Variants in FFAR2 observed in about 807,000 individuals in gnomAD.
FFAR2 encodes the protein free fatty acid receptor 2.
For synonymous variants in FFAR2, 193 were observed against 189.9 expected, an observed-to-expected ratio of 1.02 and a Z score of -0.13; for missense variants, 421 against 428.9, an observed-to-expected ratio of 0.98 and a Z score of 0.16.
Position 35,449,701 on chromosome 19 carries a change from TG to T in FFAR2, c.-1-12del. ...AGACCTCCCTGACCCCGCCCTTTTT[TG>T]TTCCCCTCCAGGATGCTGCCGGACT... On this transcript the variant is annotated splice_polypyrimidine_tract_variant and intron_variant, in intron 1 of 1. Transcript: ENST00000599180. The T allele has an allele frequency of 6.5e-7, 1 of 1,529,748 alleles. No individual in the cohort carries two copies. The highest frequency in any genetic ancestry group is 1.3e-5 in the South Asian group (1 of 76,844). The allele number at this position is 1,529,748 out of a possible 1,614,324, so 94.8% of individuals were successfully genotyped here.
chr19:35,450,587 G>C lies in FFAR2; in HGVS notation c.873G>C (p.Leu291=). 1 of 1,614,234 alleles carries C rather than the reference G, an allele frequency of 6.2e-7. No homozygotes were observed. The highest frequency in any genetic ancestry group is 8.5e-7 in the Non-Finnish European group (1 of 1,180,044). Residue 291 remains leucine, a synonymous_variant, in exon 2 of 2, where the codon CTG becomes CTC. Coordinates refer to ENST00000599180, the MANE Select transcript of FFAR2 (RefSeq NM_001370087.1). ...RRAFGRGLQV[L]RNQGSSLLGR... is the part of the protein sequence containing the mutation. ...CATTTGGGAGAGGGCTGCAGGTGCT[G>C]CGGAATCAGGGCTCCTCCCTGTTGG...
chr19:35,449,623 C>A (rs2067366247), intron 1 of FFAR2, 91 bp from the exon 2 acceptor site: 2 of 1,371,164 alleles, frequency 1.5e-6, no homozygotes, highest in African/African-American at 1.5e-5. Flanking sequence ...GGGGACGGTG[C>A]CGGGGAGGAT....
At chr19:35,449,559 C>T (rs766082128) in intron 1 of FFAR2, 155 bp from the exon 2 acceptor site, 27 of 251,220 alleles carry the variant, frequency 1.1e-4, no homozygotes, top group Non-Finnish European at 1.6e-4. Context: ...CTGGGTAGTT[C>T]GAGCAGGTGG....
rs2067370939 is a variant in FFAR2 at position 35,450,093 on chromosome 19, G to T, written c.379G>T (p.Val127Leu). The part of the protein sequence containing the change: ...YKLSRRPLYG[V>L]IAALVAWVMS... Reference sequence around the variant, plus strand: ...GCTCTCCCGCCGGCCTCTGTATGGAGTGATTGCAGCTCTGGTGGCCTGGGT... The same window carrying T: ...GCTCTCCCGCCGGCCTCTGTATGGATTGATTGCAGCTCTGGTGGCCTGGGT... The change falls in exon 2 of 2, where the codon GTG becomes TTG. Residue 127 changes from valine (V) to leucine (L), a missense_variant. Val to Leu is a conservative substitution (Grantham distance 32). Transcript: ENST00000599180. The T allele has an allele frequency of 6.2e-7, 1 of 1,614,118 alleles. No homozygotes were observed. The highest frequency in any genetic ancestry group is 1.3e-5 in the African/African-American group (1 of 74,944).
At position 35,450,507 on chromosome 19, in the gene FFAR2, A is replaced by G; in HGVS notation, c.793A>G (p.Asn265Asp). The change falls in exon 2 of 2, where the codon AAC becomes GAC. Residue 265 changes from asparagine (N) to aspartate (D), a missense_variant. Physicochemically the swap from Asn to Asp is conservative, Grantham distance 23 (BLOSUM62 1). Transcript: ENST00000599180. ...RSIAVVFSSL[N>D]ASLDPLLFYF... is the part of the protein sequence containing the mutation. ...AATAGCCGTGGTGTTCAGTTCACTC[A>G]ACGCCAGTCTGGACCCCCTGCTCTT... 2 of 1,614,236 alleles carry G rather than the reference A, an allele frequency of 1.2e-6. No individual in the cohort carries two copies. Among genetic ancestry groups the G allele is most frequent in the Non-Finnish European group, 1.7e-6 (2 of 1,180,040 alleles).
At chr19:35,448,535 G>C (rs1450587528) in intron 1 of FFAR2, among the ~76,000 whole-genome samples, 156 bp downstream of exon 1, 2 of 152,168 alleles carry the variant, frequency 1.3e-5, no homozygotes, top group Non-Finnish European at 2.9e-5. Flanking sequence ...AAACAGCCAG[G>C]AAATCAAGGC....
At chr19:35,448,945 G>T (rs2067362593) in intron 1 of FFAR2, among the ~76,000 whole-genome samples, 1 of 151,712 alleles carries the variant, frequency 6.6e-6, no homozygotes, top group Non-Finnish European at 1.5e-5. Context: ...TGGGATTACA[G>T]GTGCCCGCCA....
In FFAR2 at chr19:35,449,923, C is replaced by A; in HGVS notation, c.209C>A (p.Ala70Glu). 1.2e-6 allele frequency: 2 copies of A among 1,613,286 alleles called. No individual in the cohort carries two copies. Among genetic ancestry groups the A allele is most frequent in the Non-Finnish European group, 8.5e-7 (1 of 1,179,998 alleles). ...CTGCCCTTCAAGATCATCGAGGCTG[C>A]GTCGAACTTCCGCTGGTACCTGCCC... is the stretch of plus-strand genomic sequence containing the variant. ...LLLPFKIIEA[A>E]SNFRWYLPKV... The change falls in exon 2 of 2, where the codon GCG (alanine) becomes GAG (glutamate). Residue 70 changes from alanine (A) to glutamate (E), a missense_variant. Ala to Glu is a moderately radical substitution (Grantham distance 107). Coordinates refer to ENST00000599180, the MANE Select transcript of FFAR2 (RefSeq NM_001370087.1).
rs908649134 is a variant in FFAR2, at chr19:35,451,465, A to G, written c.*758A>G. On this transcript the variant is annotated 3_prime_UTR_variant, in exon 2 of 2. Transcript: ENST00000599180. The stretch of plus-strand genomic sequence containing the variant: ...CTAAATGAGGTCAAAGAAGACTCAG[A>G]AAGGTTCTGAGCCTGGAGATGAGCA... 3 of 152,278 alleles carry G rather than the reference A, an allele frequency of 2.0e-5. No individual in the cohort carries two copies. The highest frequency in any genetic ancestry group is 4.4e-5 in the Non-Finnish European group (3 of 68,096). 9.4% of individuals were successfully genotyped at this position (152,278 alleles called of 1,614,324 possible).
rs2067377198 is a variant in FFAR2 at position 35,450,757 on chromosome 19, A to G, written c.*50A>G. ...CGCCTGGGTTACACAGGAGCTGGGA[A>G]GCCTGGGAGAGGCGGAGCAGGAAGG... On this transcript the variant is annotated 3_prime_UTR_variant, in exon 2 of 2. Transcript: ENST00000599180. 2.6e-6 allele frequency: 4 copies of G among 1,555,282 alleles called. No individual in the cohort carries two copies. Among genetic ancestry groups the G allele is most frequent in the South Asian group, 1.2e-5 (1 of 83,670 alleles).
chr19:35,450,407 C>T lies in FFAR2; in HGVS notation c.693C>T (p.Phe231=), dbSNP rs775644987. ...VGLAVVTLLN[F]LVCFGPYNVS... Reference sequence around the variant, plus strand: ...TGGCTGTGGTGACGCTGCTCAATTTCCTGGTGTGCTTCGGACCTTACAACG... The same window carrying T: ...TGGCTGTGGTGACGCTGCTCAATTTTCTGGTGTGCTTCGGACCTTACAACG... Residue 231 remains phenylalanine, a synonymous_variant, in exon 2 of 2, where the codon TTC becomes TTT. Coordinates refer to ENST00000599180, the MANE Select transcript of FFAR2 (RefSeq NM_001370087.1). 1 of 1,614,244 alleles carries T rather than the reference C, an allele frequency of 6.2e-7. No individual in the cohort carries two copies. The highest frequency in any genetic ancestry group is 1.1e-5 in the South Asian group (1 of 91,086).
Position 35,450,522 on chromosome 19 carries a change from C to A in FFAR2, c.808C>A (p.Pro270Thr). ...VFSSLNASLD[P>T]LLFYFSSSVV... is the part of the protein sequence containing the mutation. ...CAGTTCACTCAACGCCAGTCTGGACCCCCTGCTCTTCTATTTCTCTTCTTC... is the reference window on the plus strand; with the variant it reads ...CAGTTCACTCAACGCCAGTCTGGACACCCTGCTCTTCTATTTCTCTTCTTC... The change falls in exon 2 of 2, where the codon CCC becomes ACC. Residue 270 changes from proline (P) to threonine (T), a missense_variant. Coordinates refer to ENST00000599180, the MANE Select transcript of FFAR2 (RefSeq NM_001370087.1). The A allele has an allele frequency of 1.9e-6, 3 of 1,614,224 alleles. No homozygotes were observed. Among genetic ancestry groups the A allele is most frequent in the South Asian group, 1.1e-5 (1 of 91,090 alleles).
In FFAR2 at chr19:35,450,423, C is replaced by A. The variant is rs1216703134; in HGVS notation, c.709C>A (p.Pro237Thr). Reference sequence around the variant, plus strand: ...GCTCAATTTCCTGGTGTGCTTCGGACCTTACAACGTGTCCCACCTGGTGGG... The same window carrying A: ...GCTCAATTTCCTGGTGTGCTTCGGAACTTACAACGTGTCCCACCTGGTGGG... The part of the protein sequence containing the change: ...TLLNFLVCFG[P>T]YNVSHLVGYH... The change falls in exon 2 of 2, where the codon CCT (proline) becomes ACT (threonine). Residue 237 changes from proline (P) to threonine (T), a missense_variant. Pro to Thr is a conservative substitution (Grantham distance 38). Coordinates refer to ENST00000599180, the MANE Select transcript of FFAR2 (RefSeq NM_001370087.1). The A allele has an allele frequency of 1.7e-5, 27 of 1,614,102 alleles. No homozygotes were observed. In the Admixed American group the frequency reaches 4.3e-4, roughly 26 times the overall value.
At position 35,450,143 on chromosome 19, in the gene FFAR2, C is replaced by T. The variant is rs2067371355; in HGVS notation, c.429C>T (p.Ile143=). 1.9e-6 allele frequency: 3 copies of T among 1,614,180 alleles called. No homozygotes were observed. Among genetic ancestry groups the T allele is most frequent in the Non-Finnish European group, 8.5e-7 (1 of 1,180,038 alleles). ...AWVMSFGHCT[I]VIIVQYLNTT... The stretch of plus-strand genomic sequence containing the variant: ...TTATGTCCTTTGGTCACTGCACCAT[C>T]GTGATCATCGTTCAATACTTGAACA... The change falls in exon 2 of 2, where the codon ATC becomes ATT. Residue 143 remains isoleucine, a synonymous_variant. Transcript: ENST00000599180.
chr19:35,450,248 C>A lies in FFAR2; in HGVS notation c.534C>A (p.Pro178=), dbSNP rs775283874. 12 of 1,614,080 alleles carry A rather than the reference C, an allele frequency of 7.4e-6. No individual in the cohort carries two copies. The East Asian group carries it at 2.0e-4, about 27-fold the overall frequency. The change falls in exon 2 of 2, where the codon CCC becomes CCA. Residue 178 remains proline, a synonymous_variant. Coordinates refer to ENST00000599180, the MANE Select transcript of FFAR2 (RefSeq NM_001370087.1). The part of the protein sequence containing the change: ...FTDNQLDVVL[P]VRLELCLVLF... ...ATAACCAGTTGGACGTGGTGCTGCC[C>A]GTGCGGCTGGAGCTGTGCCTGGTGC...
rs896387020 is a variant in FFAR2 at position 35,451,536 on chromosome 19, A to T, written c.*829A>T. 1 of 152,242 alleles carries T rather than the reference A, an allele frequency of 6.6e-6. No homozygotes were observed. Among genetic ancestry groups the T allele is most frequent in the African/African-American group, 2.4e-5 (1 of 41,432 alleles). 9.4% of individuals were successfully genotyped at this position (152,242 alleles called of 1,614,324 possible). A position where few individuals can be genotyped will look rare whatever the true frequency, so the allele number is the denominator to read the frequency against. On this transcript the variant is annotated 3_prime_UTR_variant, in exon 2 of 2. Coordinates refer to ENST00000599180, the MANE Select transcript of FFAR2 (RefSeq NM_001370087.1). ...CCTTTAATGATAGGGGTTTCCCTGC[A>T]TTGGTTTGACCTGTTGCCTTTTTGA...
chr19:35,449,341 A>G (rs2067364893), intron 1 of FFAR2, among the ~76,000 whole-genome samples: 1 of 152,186 alleles, frequency 6.6e-6, no homozygotes, highest in African/African-American at 2.4e-5. Flanking sequence ...TCTCTCCTGC[A>G]GGTCTCTGTC....
rs1422577881 is a variant in FFAR2 at position 35,450,513 on chromosome 19, A to C, written c.799A>C (p.Ser267Arg). 6.2e-7 allele frequency: 1 copy of C among 1,614,134 alleles called. No homozygotes were observed. The highest frequency in any genetic ancestry group is 2.2e-5 in the East Asian group (1 of 44,894). ...CGTGGTGTTCAGTTCACTCAACGCCAGTCTGGACCCCCTGCTCTTCTATTT... is the reference window on the plus strand; with the variant it reads ...CGTGGTGTTCAGTTCACTCAACGCCCGTCTGGACCCCCTGCTCTTCTATTT... ...IAVVFSSLNA[S>R]LDPLLFYFSS... is the part of the protein sequence containing the mutation. Residue 267 changes from serine (S) to arginine (R), a missense_variant, in exon 2 of 2, where the codon AGT (serine) becomes CGT (arginine). Ser to Arg is a moderately radical substitution (Grantham distance 110). Transcript: ENST00000599180.
In FFAR2 at chr19:35,451,336, G is replaced by C. The variant is rs1346394439; in HGVS notation, c.*629G>C. ...TTGGGGATGGCCAGGCTGAAGCAGA[G>C]AGTCCTAGAGAAATCTCGATACAAG... On this transcript the variant is annotated 3_prime_UTR_variant, in exon 2 of 2. Coordinates refer to ENST00000599180, the MANE Select transcript of FFAR2 (RefSeq NM_001370087.1). 1.3e-5 allele frequency: 2 copies of C among 152,076 alleles called. No individual in the cohort carries two copies. The highest frequency in any genetic ancestry group is 4.8e-5 in the African/African-American group (2 of 41,356). The allele number at this position is 152,076 out of a possible 1,614,324, so 9.4% of individuals were successfully genotyped here.
Sources: allele counts gnomAD v4.1 joint callset (sites outside exome capture counted in the v4.1 genomes callset), GRCh38; gene constraint gnomAD v4.1.1; transcripts MANE v1.5; gene names NCBI Gene and HGNC (gene_info 2026-07-23, HGNC 2026-07-21).